The following STARD9 variants were observed in gnomAD, a reference collection of about 807,000 sequenced individuals.
STARD9 encodes StAR related lipid transfer domain containing 9.
In STARD9, 346 loss-of-function variants were observed where a neutral mutation model predicts 399.8. The observed-to-expected ratio is 0.87, with a 90% confidence interval of 0.79 to 0.95. STARD9 has a LOEUF of 0.95. STARD9 is among the 40% of genes least tolerant of loss of function. STARD9 has a pLI of 0.00. For synonymous variants in STARD9, 2,203 were observed against 2,143.5 expected (o/e 1.03, Z -0.77); for missense variants, 5,832 against 5,667.5 (o/e 1.03, Z -0.93).
rs1318498515 is a variant in STARD9, at chr15:42,682,466, C to T, written c.2428C>T (p.Leu810Phe). The T allele has an allele frequency of 1.0e-5, 16 of 1,537,088 alleles. No individual in the cohort carries two copies. The African/African-American group carries it at 1.4e-4, about 13-fold the overall frequency. ...DSTQEPPYQV[L>F]SPDATVPRPP... ...CACCCAGGAGCCCCCATACCAGGTC[C>T]TCAGCCCTGATGCCACAGTCCCACG... The change falls in exon 22 of 33, where the codon CTC (leucine) becomes TTC (phenylalanine). Residue 810 changes from leucine to phenylalanine, a missense_variant. Around this residue, in one of 2 missense-constraint regions of STARD9, gnomAD observed 5,828 missense variants for 5,651.1 expected, o/e 1.03. Coordinates refer to ENST00000290607, the MANE Select transcript of STARD9 (RefSeq NM_020759.3).
At chr15:42,633,600 C>G (rs1004985542) in intron 3 of STARD9, among the ~76,000 whole-genome samples, 16 of 150,622 alleles carry the variant, frequency 1.1e-4, no homozygotes, top group African/African-American at 3.4e-4. Context: ...AAATGATAAT[C>G]TAGTTGTCAA....
chr15:42,577,255 G>A (rs1412405319), intron 1 of STARD9, among the ~76,000 whole-genome samples: 7 of 151,908 alleles, frequency 4.6e-5, no homozygotes, highest in Non-Finnish European at 8.8e-5. Flanking sequence ...CCGGGTTCAC[G>A]CCATTCTCCT....
At chr15:42,717,588 C>A in intron 28 of STARD9, 143 bp from the exon 29 acceptor site, 2 of 743,152 alleles carry the variant, frequency 2.7e-6, no homozygotes, top group Non-Finnish European at 4.6e-6. Flanking sequence ...TTACGCCACT[C>A]CACTCCAGCC....
intron 1 of STARD9, among the ~76,000 whole-genome samples, chr15:42,580,009 T>TA (rs914863969): frequency 1.8e-4 from 28 of 152,248 alleles, no homozygotes; most frequent in African/African-American, 6.5e-4. Context: ...AAGAGGACTC[T>TA]GCCAGCAACA....
At chr15:42,626,381 C>CTCCTCT (rs1247298949) in intron 3 of STARD9, among the ~76,000 whole-genome samples, 1 of 127,746 alleles carries the variant, frequency 7.8e-6, no homozygotes, top group Non-Finnish European at 1.6e-5. Flanking sequence ...CCTCCTCTTC[C>CTCCTCT]TCCTCTTCCT....
intron 26 of STARD9, among the ~76,000 whole-genome samples, chr15:42,712,096 T>TATATATATATATATATAAAATATAA (rs1566966126): frequency 2.0e-3 from 1 of 508 alleles, no homozygotes. Flanking sequence ...TATATATATA[T>TATATATATATATATATAAAATATAA]AATATATAAT....
At chr15:42,599,289 G>A (rs1026377426) in intron 3 of STARD9, among the ~76,000 whole-genome samples, 1 of 152,116 alleles carries the variant, frequency 6.6e-6, no homozygotes, top group Non-Finnish European at 1.5e-5. Context: ...GAACCATACT[G>A]TTTCAGAAAG....
chr15:42,621,733 A>C (rs941624385), intron 3 of STARD9, among the ~76,000 whole-genome samples: 4 of 152,176 alleles, frequency 2.6e-5, no homozygotes, highest in African/African-American at 9.7e-5. Context: ...TGTATGGAGA[A>C]ACCCTTAGGA....
At chr15:42,711,960 T>C (rs1252404792) in intron 26 of STARD9, among the ~76,000 whole-genome samples, 1 of 142,992 alleles carries the variant, frequency 7.0e-6, no homozygotes, top group Non-Finnish European at 1.5e-5. Context: ...CACCAACAGT[T>C]GCTATGACCT....
chr15:42,596,971 T>A (rs887069665), intron 3 of STARD9, among the ~76,000 whole-genome samples: 8 of 152,206 alleles, frequency 5.3e-5, no homozygotes, highest in African/African-American at 1.4e-4. Context: ...CTAGATAGCA[T>A]CTATTTCTTA....
chr15:42,696,703 G>A (rs142591139), intron 26 of STARD9, among the ~76,000 whole-genome samples: 1,759 of 152,282 alleles, frequency 0.012, 20 homozygotes, highest in Non-Finnish European at 0.016. Flanking sequence ...TAGTGAAGAC[G>A]AACAGAGGAG....
chr15:42,702,609 C>T (rs1876632027), intron 26 of STARD9, among the ~76,000 whole-genome samples: 1 of 152,158 alleles, frequency 6.6e-6, no homozygotes, highest in Admixed American at 6.5e-5. Context: ...TGTCTGTGTA[C>T]TTAGTTTTAC....
intron 8 of STARD9, among the ~76,000 whole-genome samples, chr15:42,651,841 G>T (rs896659900): frequency 3.3e-5 from 5 of 152,136 alleles, no homozygotes; most frequent in African/African-American, 1.2e-4. Context: ...CATGAGACTA[G>T]CCTCTAGATT....
intron 1 of STARD9, among the ~76,000 whole-genome samples, chr15:42,578,203 T>C (rs572990139): frequency 8.0e-4 from 122 of 151,894 alleles, no homozygotes; most frequent in African/African-American, 2.8e-3. Context: ...CTCCGCCTCC[T>C]GGGTTCAAGC....
In STARD9 at chr15:42,663,047, A is replaced by G. The variant is rs2140100876; in HGVS notation, c.868+156A>G. The G allele has an allele frequency of 4.2e-6, 3 of 715,082 alleles. No homozygotes were observed. In the East Asian group the frequency reaches 8.1e-5, roughly 19 times the overall value. 44.3% of individuals were successfully genotyped at this position (715,082 alleles called of 1,614,324 possible). A position where few individuals can be genotyped will look rare whatever the true frequency, so the allele number is the denominator to read the frequency against. ...TGATATTTGTCCTTGGTTTTAGAGT[A>G]GAATGCTGTCCTACTACCATCATTT... On this transcript the variant is annotated intron_variant, in intron 11 of 32. Coordinates refer to ENST00000290607, the MANE Select transcript of STARD9 (RefSeq NM_020759.3).
At chr15:42,709,309 G>A (rs1485250515) in intron 26 of STARD9, among the ~76,000 whole-genome samples, 2 of 152,108 alleles carry the variant, frequency 1.3e-5, no homozygotes, top group African/African-American at 4.8e-5. Flanking sequence ...TGGGAGGATC[G>A]CTTGAGCCTG....
Position 42,624,772 on chromosome 15 carries a change from C to A in STARD9, c.235-10084C>A, listed in dbSNP as rs140183846. Among the ~76,000 whole-genome samples the A allele has an allele frequency of 9.0e-3, 1,368 of 152,118 alleles. 20 individuals carry two copies. The highest frequency in any genetic ancestry group is 0.031 in the African/African-American group (1,299 of 41,490). On this transcript the variant is annotated intron_variant, in intron 3 of 32. Coordinates refer to ENST00000290607, the MANE Select transcript of STARD9 (RefSeq NM_020759.3). Reference sequence around the variant, plus strand: ...CCATGTTGGCCAGACTGGTCTCGAACTCCTGACCTCAGGTGATTCACCTGC... The same window carrying A: ...CCATGTTGGCCAGACTGGTCTCGAAATCCTGACCTCAGGTGATTCACCTGC...
rs138173842 is a variant in STARD9, at chr15:42,602,560, A to G, written c.234+16923A>G. Among the ~76,000 whole-genome samples, 26 of 152,264 alleles carry G rather than the reference A, an allele frequency of 1.7e-4. No homozygotes were observed. The East Asian group carries it at 4.8e-3, about 28-fold the overall frequency. ...ATACAGAATCTCCTTGGGTGCAAAT[A>G]CCCTCTAGAAGTTTTCCCATTGGCC... On this transcript the variant is annotated intron_variant, in intron 3 of 32. Transcript: ENST00000290607.
chr15:42,657,042 G>C (rs1173168821), intron 9 of STARD9, among the ~76,000 whole-genome samples: 1 of 152,060 alleles, frequency 6.6e-6, no homozygotes, highest in African/African-American at 2.4e-5. Flanking sequence ...AGCTGGAGTG[G>C]TATTTTAATG....
Sources: gnomAD v4.1 joint callset for allele counts (sites outside exome capture counted in the v4.1 genomes callset) on GRCh38, gnomAD v4.1.1 for gene constraint, gnomAD v4.1.1 regional missense constraint, MANE v1.5 for transcripts, NCBI Gene and HGNC (gene_info 2026-07-23, HGNC 2026-07-21) for gene names.